The following GON4L variants were observed in gnomAD, a reference collection of about 807,000 sequenced individuals.
GON4L encodes the protein gon-4 like.
A neutral mutation model predicts 211.8 loss-of-function variants in GON4L; 87 were observed. The observed-to-expected ratio is 0.41, with a 90% CI of 0.35 to 0.49. GON4L has a LOEUF of 0.49. Among genes scored for constraint, GON4L ranks in the 20% least tolerant of loss-of-function variants. GON4L has a pLI of 0.15. For missense variants in GON4L, 2,155 were observed against 2,659.5 expected, an observed-to-expected ratio of 0.81 and a Z score of 4.17; for synonymous variants, 875 against 962.6, an observed-to-expected ratio of 0.91 and a Z score of 1.68.
intron 22 of GON4L, among the ~76,000 whole-genome samples, chr1:155,762,838 C>T (rs1197401274): frequency 2.0e-5 from 3 of 152,034 alleles, no homozygotes; most frequent in Non-Finnish European, 2.9e-5. Flanking sequence ...GAGTTCGATA[C>T]CAGCCTGACC....
chr1:155,853,939 TGGAA>T, intron 1 of GON4L, 133 bp from the exon 2 acceptor site: 1 of 667,866 alleles, frequency 1.5e-6, no homozygotes, highest in Non-Finnish European at 2.6e-6. Flanking sequence ...TCCCTTTAGG[TGGAA>T]GTTGAGAGAC....
At chr1:155,757,141 T>TC in intron 26 of GON4L, 39 bp downstream of exon 26, 3 of 1,613,586 alleles carry the variant, frequency 1.9e-6, no homozygotes, top group Non-Finnish European at 2.5e-6. Context: ...CGTGTGGCCT[T>TC]CCCCCTTCAT....
intron 10 of GON4L, among the ~76,000 whole-genome samples, chr1:155,807,088 TC>T (rs1667199421): frequency 1.0e-5 from 1 of 98,906 alleles, no homozygotes; most frequent in African/African-American, 3.3e-5. Flanking sequence ...AAGAGAGACA[TC>T]TCAAAAAAAA....
Position 155,774,985 on chromosome 1 carries a change from A to C in GON4L, c.2350+17T>G, listed in dbSNP as rs1557848563. ...CACCGCAAGTAAAAACTTAAAGCTG[A>C]CACATCTGTCTCCTACCAGTCTTCT... On this transcript the variant is annotated intron_variant, in intron 17 of 31. Transcript: ENST00000368331. 1 of 1,604,580 alleles carries C rather than the reference A, an allele frequency of 6.2e-7. No individual in the cohort carries two copies. Among genetic ancestry groups the C allele is most frequent in the Non-Finnish European group, 8.5e-7 (1 of 1,172,572 alleles).
intron 8 of GON4L, 113 bp from the exon 9 acceptor site, chr1:155,814,562 A>C: frequency 8.2e-6 from 9 of 1,095,476 alleles, no homozygotes; most frequent in South Asian, 1.2e-5. Context: ...CCTGGCCAAC[A>C]TGGTGAACAC....
At chr1:155,769,164 C>T (rs72622323) in intron 19 of GON4L, among the ~76,000 whole-genome samples, 6 of 151,056 alleles carry the variant, frequency 4.0e-5, no homozygotes, top group African/African-American at 7.3e-5. Flanking sequence ...TTAGTAGAGA[C>T]GGGGTTTCAC....
intron 27 of GON4L, among the ~76,000 whole-genome samples, chr1:155,756,345 G>GA (rs1301724218): frequency 6.6e-6 from 1 of 152,014 alleles, no homozygotes; most frequent in Non-Finnish European, 1.5e-5. Context: ...GAGCAAAAAT[G>GA]AAAAAAGTTG....
Position 155,826,891 on chromosome 1 carries a change from G to C in GON4L, c.643C>G (p.Leu215Val). The C allele has an allele frequency of 8.1e-6, 13 of 1,613,524 alleles. No homozygotes were observed. Among genetic ancestry groups the C allele is most frequent in the Non-Finnish European group, 1.1e-5 (13 of 1,179,436 alleles). The change falls in exon 3 of 32, where the codon CTG (leucine) becomes GTG (valine). Residue 215 changes from leucine (L) to valine (V), a missense_variant. Leu to Val is a conservative substitution (Grantham distance 32). Around this residue, in one of 6 missense-constraint regions of GON4L, gnomAD observed 313 missense variants for 293.2 expected, o/e 1.07. Transcript: ENST00000368331. Reference protein sequence around the residue: ...ASPQEKPLRTLFHQPEEEIED... With the variant: ...ASPQEKPLRTVFHQPEEEIED... The stretch of plus-strand genomic sequence containing the variant: ...ATCTCTTCCTCAGGTTGGTGAAACA[G>C]AGTCCTGAGTGGCTTTTCTTGAGGA...
intron 13 of GON4L, chr1:155,784,655 T>G (rs891236050): frequency 3.5e-5 from 6 of 169,938 alleles, no homozygotes; most frequent in Non-Finnish European, 6.4e-5. Flanking sequence ...GTGCTGGGAT[T>G]ACAAGCGTGA....
intron 11 of GON4L, among the ~76,000 whole-genome samples, chr1:155,804,276 G>C (rs989843921): frequency 2.0e-5 from 3 of 152,070 alleles, no homozygotes; most frequent in Non-Finnish European, 4.4e-5. Flanking sequence ...GGGAGGCTGA[G>C]ACCTGAGGAC....
intron 19 of GON4L, 40 bp downstream of exon 19, chr1:155,771,027 T>C (rs375353544): frequency 3.7e-6 from 6 of 1,613,682 alleles, no homozygotes; most frequent in East Asian, 4.5e-5. Flanking sequence ...TGGGTACATA[T>C]TGGTGAGGTG....
upstream of GON4L, among the ~76,000 whole-genome samples, chr1:155,858,968 T>C (rs1342105052): frequency 6.6e-6 from 1 of 152,156 alleles, no homozygotes; most frequent in Non-Finnish European, 1.5e-5. Flanking sequence ...GGTTTGGGAT[T>C]ACAGGCATGA....
intron 10 of GON4L, among the ~76,000 whole-genome samples, chr1:155,806,101 C>T (rs1667104978): frequency 6.6e-6 from 1 of 151,886 alleles, no homozygotes; most frequent in South Asian, 2.1e-4. Flanking sequence ...AATTCTCCTG[C>T]CTCAGCCTCC....
rs1331903841 is a variant in GON4L at position 155,763,590 on chromosome 1, A to C, written c.4474-26T>G. The stretch of plus-strand genomic sequence containing the variant: ...CTGTAAAACCCTCCAAAGAGTACTT[A>C]TAATGGCTCTTAGTGGCTCATGAAT... On this transcript the variant is annotated intron_variant, in intron 21 of 31. Coordinates refer to ENST00000368331, the MANE Select transcript of GON4L (RefSeq NM_001282860.2). 2.0e-6 allele frequency: 3 copies of C among 1,515,142 alleles called. No individual in the cohort carries two copies. The East Asian group carries it at 7.3e-5, about 37-fold the overall frequency. 93.9% of individuals were successfully genotyped at this position (1,515,142 alleles called of 1,614,324 possible).
intron 10 of GON4L, among the ~76,000 whole-genome samples, chr1:155,808,783 G>GT (rs918371517): frequency 5.9e-5 from 9 of 151,458 alleles, no homozygotes; most frequent in South Asian, 2.1e-4. Context: ...TAAGTTTTGT[G>GT]TTTTTTTTGG....
intron 25 of GON4L, 116 bp from the exon 26 acceptor site, chr1:155,757,439 G>A (rs1011778659): frequency 2.3e-6 from 2 of 885,566 alleles, no homozygotes; most frequent in African/African-American, 3.3e-5. Context: ...GAAACACACA[G>A]AGACTCTGCC....
At chr1:155,769,350 A>C (rs561047498) in intron 19 of GON4L, among the ~76,000 whole-genome samples, 13 of 152,348 alleles carry the variant, frequency 8.5e-5, no homozygotes, top group African/African-American at 3.1e-4. Context: ...GGAAGGAAGT[A>C]AAACAAAAAC....
At chr1:155,826,500 C>T (rs909999273) in intron 3 of GON4L, among the ~76,000 whole-genome samples, 1 of 148,382 alleles carries the variant, frequency 6.7e-6, no homozygotes, top group Admixed American at 7.0e-5. Flanking sequence ...CAGGAGGCAG[C>T]GGTTGCCGTG....
chr1:155,845,666 A>C, intron 2 of GON4L: 1 of 318,864 alleles, frequency 3.1e-6, no homozygotes, highest in Non-Finnish European at 6.3e-6. Flanking sequence ...CATAGGCCCT[A>C]AACTACACAA....
Sources: allele counts gnomAD v4.1 joint callset (sites outside exome capture counted in the v4.1 genomes callset), GRCh38; gene constraint gnomAD v4.1.1; regional missense constraint gnomAD v4.1.1; transcripts MANE v1.5; gene names NCBI Gene and HGNC (gene_info 2026-07-23, HGNC 2026-07-21).